The following CENPT variants were observed in gnomAD, a reference collection of about 807,000 sequenced individuals.
CENPT encodes the protein interphase centromere complex protein 22.
Under a neutral mutation model 59.7 loss-of-function variants are expected in CENPT, and 42 were observed. That is an observed-to-expected ratio of 0.70 (90% CI 0.55 to 0.91). CENPT has a LOEUF of 0.91. Among genes scored for constraint, CENPT ranks in the 40% least tolerant of loss-of-function variants. CENPT has a pLI of 0.00. For missense variants in CENPT, 716 were observed against 713.4 expected, an observed-to-expected ratio of 1.00 and a Z score of -0.04; for synonymous variants, 295 against 289.6, an observed-to-expected ratio of 1.02 and a Z score of -0.19.
chr16:67,832,097 A>T lies in CENPT; in HGVS notation c.301T>A (p.Ser101Thr). 1 of 1,612,002 alleles carries T rather than the reference A, an allele frequency of 6.2e-7. No individual in the cohort carries two copies. The highest frequency in any genetic ancestry group is 8.5e-7 in the Non-Finnish European group (1 of 1,178,488). Residue 101 changes from serine to threonine, a missense_variant, in exon 7 of 16, where the codon TCC (serine) becomes ACC (threonine). Transcript: ENST00000562787. ...KNILLTAPESSILMPESVVKP... is the reference protein window; with the variant it reads ...KNILLTAPESTILMPESVVKP... Reference sequence around the variant, plus strand: ...ACTACCGACTCAGGCATCAGGATGGAAGATTCTGGGGCTGCAGAAACACCA... The same window carrying T: ...ACTACCGACTCAGGCATCAGGATGGTAGATTCTGGGGCTGCAGAAACACCA...
intron 1 of CENPT, among the ~76,000 whole-genome samples, chr16:67,838,437 C>T (rs143399800): frequency 0.029 from 4,423 of 151,280 alleles, 94 homozygotes; most frequent in Middle Eastern, 0.16. Context: ...GCCCGGACAA[C>T]GTGGTGAAAC....
At chr16:67,829,129 G>A in intron 13 of CENPT, 2 of 516,850 alleles carry the variant, frequency 3.9e-6, no homozygotes, top group East Asian at 6.7e-5. Flanking sequence ...AGAATGGATA[G>A]TCTCTCTCCT....
chr16:67,832,597 A>G (rs747174381), intron 4 of CENPT, 52 bp from the exon 5 acceptor site: 1 of 1,511,590 alleles, frequency 6.6e-7, no homozygotes, highest in Non-Finnish European at 9.2e-7. Context: ...AGGGATAGAG[A>G]ATATAGAGAC....
At chr16:67,838,233 C>G (rs965390234) in intron 1 of CENPT, among the ~76,000 whole-genome samples, 4 of 152,164 alleles carry the variant, frequency 2.6e-5, no homozygotes, top group Non-Finnish European at 5.9e-5. Context: ...TTTGGCCTCT[C>G]AACATTTTTT....
Position 67,829,238 on chromosome 16 carries a change from T to A in CENPT, c.1280+185A>T. 7.2e-6 allele frequency: 4 copies of A among 552,522 alleles called. No homozygotes were observed. The South Asian group carries it at 1.1e-4, about 15-fold the overall frequency. The allele number at this position is 552,522 out of a possible 1,614,324, so 34.2% of individuals were successfully genotyped here. A position where few individuals can be genotyped will look rare whatever the true frequency, so the allele number is the denominator to read the frequency against. On this transcript the variant is annotated intron_variant, in intron 13 of 15. Transcript: ENST00000562787. Reference sequence around the variant, plus strand: ...TACTTTCCCCTCACCCAGGCTCCTCTAAGCCGTGGAGGCAGGCACCAGGAT... The same window carrying A: ...TACTTTCCCCTCACCCAGGCTCCTCAAAGCCGTGGAGGCAGGCACCAGGAT...
At chr16:67,831,159 T>C (rs1442626839) in intron 10 of CENPT, 57 bp downstream of exon 10, 3 of 1,611,044 alleles carry the variant, frequency 1.9e-6, no homozygotes, top group African/African-American at 1.3e-5. Flanking sequence ...TCACCTCCTA[T>C]CTGTCATAGC....
intron 1 of CENPT, among the ~76,000 whole-genome samples, chr16:67,844,427 C>A (rs558835988): frequency 6.6e-6 from 1 of 152,254 alleles, no homozygotes; most frequent in South Asian, 2.1e-4. Flanking sequence ...CCAAATGGGC[C>A]CAGTTTGTCC....
At position 67,835,628 on chromosome 16, in the gene CENPT, C is replaced by T. The variant is rs2057730564; in HGVS notation, c.-461G>A. 2.0e-5 allele frequency: 3 copies of T among 152,116 alleles called. No homozygotes were observed. The highest frequency in any genetic ancestry group is 7.2e-5 in the African/African-American group (3 of 41,478). The allele number at this position is 152,116 out of a possible 1,614,324, so 9.4% of individuals were successfully genotyped here. A position where few individuals can be genotyped will look rare whatever the true frequency, so the allele number is the denominator to read the frequency against. ...GCAGAGCTGAGATCGAGCCACACTA[C>T]TCCAGCTTGGGCGACTAAGCAAGAC... On this transcript the variant is annotated 5_prime_UTR_variant, in exon 2 of 16. Transcript: ENST00000562787.
Position 67,828,734 on chromosome 16 carries a change from C to G in CENPT, c.1390G>C (p.Val464Leu). The change falls in exon 14 of 16, where the codon GTG (valine) becomes CTG (leucine). Residue 464 changes from valine to leucine, a missense_variant. Transcript: ENST00000562787. ...TTGGCATAGAAGCTAAAGAGTTTCA[C>G]ATAGTGGCTCAGTCCAGCCTTGTGG... ...DPHKAGLSHYVKLFSFYAKMP... is the reference protein window; with the variant it reads ...DPHKAGLSHYLKLFSFYAKMP... The G allele has an allele frequency of 6.2e-7, 1 of 1,614,120 alleles. No individual in the cohort carries two copies.
chr16:67,833,984 T>C lies in CENPT; in HGVS notation c.-125A>G, dbSNP rs907169145. 2 of 614,706 alleles carry C rather than the reference T, an allele frequency of 3.3e-6. No homozygotes were observed. The highest frequency in any genetic ancestry group is 2.6e-5 in the South Asian group (1 of 37,854). 38.1% of individuals were successfully genotyped at this position (614,706 alleles called of 1,614,324 possible). On this transcript the variant is annotated 5_prime_UTR_variant, in exon 4 of 16. Coordinates refer to ENST00000562787, the MANE Select transcript of CENPT (RefSeq NM_025082.4). ...CACGGGAATTGTAGTTCTCGCACTA[T>C]CGCAGCTCGCGGGGTGGACAGTGAT... is the stretch of plus-strand genomic sequence containing the variant.
intron 1 of CENPT, among the ~76,000 whole-genome samples, chr16:67,840,145 T>C (rs1364942034): frequency 1.3e-5 from 2 of 151,754 alleles, no homozygotes; most frequent in Non-Finnish European, 2.9e-5. Flanking sequence ...TGAAACCCCG[T>C]CTTTACTAAA....
rs571126915 is a variant in CENPT, at chr16:67,840,085, G to C, written c.-491-4427C>G. Among the ~76,000 whole-genome samples, 10 of 152,316 alleles carry C rather than the reference G, an allele frequency of 6.6e-5. No homozygotes were observed. The South Asian group carries it at 1.9e-3, about 28-fold the overall frequency. ...TAATCCCAGCACTTTGGGAGGCCGAGGCGGGCGGATCACGAAGTCAGGAGA... is the reference window on the plus strand; with the variant it reads ...TAATCCCAGCACTTTGGGAGGCCGACGCGGGCGGATCACGAAGTCAGGAGA... On this transcript the variant is annotated intron_variant, in intron 1 of 15. Transcript: ENST00000562787.
chr16:67,829,653 C>T, intron 12 of CENPT, 112 bp downstream of exon 12: 4 of 1,352,522 alleles, frequency 3.0e-6, no homozygotes, highest in East Asian at 2.4e-5. Flanking sequence ...TCAGTGTCTC[C>T]CTGACCCCCT....
At chr16:67,845,579 C>G (rs1224066776) in intron 1 of CENPT, among the ~76,000 whole-genome samples, 3 of 152,198 alleles carry the variant, frequency 2.0e-5, no homozygotes, top group Non-Finnish European at 4.4e-5. Context: ...CAGCCATGCT[C>G]TTCAGTGTAT....
chr16:67,828,315 C>T lies in CENPT; in HGVS notation c.1638G>A (p.Leu546=). 3 of 1,608,746 alleles carry T rather than the reference C, an allele frequency of 1.9e-6. No homozygotes were observed. Among genetic ancestry groups the T allele is most frequent in the Non-Finnish European group, 2.6e-6 (3 of 1,176,014 alleles). Residue 546 remains leucine, a synonymous_variant, in exon 16 of 16, where the codon CTG becomes CTA. Transcript: ENST00000562787. ...ERHLPLEYRQ[L]LIPCAYSGNS... ...TGCCACTGTATGCACAGGGGATGAG[C>T]AGCTGCCGGTACTCCAGGGGCAGGT...
chr16:67,830,988 C>G (rs2057681602), intron 10 of CENPT: 1 of 614,074 alleles, frequency 1.6e-6, no homozygotes, highest in Non-Finnish European at 2.8e-6. Context: ...CCTTTACAAC[C>G]TCCAGCCCTA....
intron 1 of CENPT, among the ~76,000 whole-genome samples, chr16:67,845,885 T>C (rs1428026578): frequency 1.3e-5 from 2 of 152,232 alleles, no homozygotes; most frequent in Admixed American, 1.3e-4. Context: ...CAGCCATCTC[T>C]TGGAGGGGTA....
chr16:67,843,394 C>T lies in CENPT; in HGVS notation c.-492+4007G>A, dbSNP rs2057778309. ...AAGTGAAGATGAAAGAGATGAAAGG[C>T]AGCATTCGCCACCTGCGTCTCACTG... On this transcript the variant is annotated intron_variant, in intron 1 of 15. Coordinates refer to ENST00000562787, the MANE Select transcript of CENPT (RefSeq NM_025082.4). The surrounding 1 kb of genome is among the most constrained non-coding windows in gnomAD (Gnocchi z 5.7). 3 of 1,614,024 alleles carry T rather than the reference C, an allele frequency of 1.9e-6. No individual in the cohort carries two copies. Among genetic ancestry groups the T allele is most frequent in the South Asian group, 2.2e-5 (2 of 91,086 alleles).
At chr16:67,836,682 T>G (rs1374089189) in intron 1 of CENPT, among the ~76,000 whole-genome samples, 1 of 151,878 alleles carries the variant, frequency 6.6e-6, no homozygotes, top group African/African-American at 2.4e-5. Context: ...GCGCAACCTC[T>G]GCCTTCTGAG....
Sources: allele counts gnomAD v4.1 joint callset (sites outside exome capture counted in the v4.1 genomes callset), GRCh38; gene constraint gnomAD v4.1.1; non-coding constraint Gnocchi (gnomAD v3.1); transcripts MANE v1.5; gene names NCBI Gene and HGNC (gene_info 2026-07-23, HGNC 2026-07-21).